The following SPATS2L variants were observed in gnomAD, a reference collection of about 807,000 sequenced individuals.
SPATS2L encodes spermatogenesis associated serine rich 2 like.
A neutral mutation model predicts 59.6 loss-of-function variants in SPATS2L; 30 were observed. The observed-to-expected ratio is 0.50, with a 90% CI of 0.38 to 0.68. SPATS2L has a LOEUF of 0.68. Among genes scored for constraint, SPATS2L ranks in the 30% least tolerant of loss-of-function variants. SPATS2L has a pLI of 0.00. For missense variants in SPATS2L, 615 were observed against 700.0 expected (o/e 0.88, Z 1.37); for synonymous variants, 252 against 263.5 (o/e 0.96, Z 0.42).
upstream of SPATS2L, chr2:200,306,612 C>T: frequency 4.0e-6 from 4 of 995,736 alleles, no homozygotes; most frequent in Non-Finnish European, 4.8e-6. Flanking sequence ...GTGAGTGACA[C>T]CGAGGGGAAG....
At chr2:200,360,557 G>T (rs1050244196) in intron 2 of SPATS2L, among the ~76,000 whole-genome samples, 1 of 152,160 alleles carries the variant, frequency 6.6e-6, no homozygotes, top group African/African-American at 2.4e-5. Context: ...GGATCCTATC[G>T]GAGTGGGGAG....
chr2:200,479,622 C>A lies in SPATS2L; in HGVS notation c.*1591C>A, dbSNP rs1351073250. ...GCCCCAGTTCCCCTAACTTTGACTA[C>A]AGGGCAGTCCAGTTTGGGTGCCGCT... On this transcript the variant is annotated 3_prime_UTR_variant, in exon 13 of 13. Coordinates refer to ENST00000409140, the MANE Select transcript of SPATS2L (RefSeq NM_001100423.2). The A allele has an allele frequency of 5.0e-6, 2 of 398,532 alleles. No individual in the cohort carries two copies. The highest frequency in any genetic ancestry group is 8.8e-6 in the Non-Finnish European group (2 of 226,074). The allele number at this position is 398,532 out of a possible 1,614,324, so 24.7% of individuals were successfully genotyped here.
rs1373773363 is a variant in SPATS2L at position 200,419,256 on chromosome 2, A to G, written c.205A>G (p.Lys69Glu). ...CATTTGTTTCTCATTCTAGAACAATAAAAGAAAAAGAAGCAAGTCCAAGCA... is the reference window on the plus strand; with the variant it reads ...CATTTGTTTCTCATTCTAGAACAATGAAAGAAAAAGAAGCAAGTCCAAGCA... ...WNMTGKKKNNKRKRSKSKQHQ... is the reference protein window; with the variant it reads ...WNMTGKKKNNERKRSKSKQHQ... Residue 69 changes from lysine (K) to glutamate (E), a missense_variant, in exon 6 of 13, where the codon AAA becomes GAA. Lys to Glu is a moderately conservative substitution (Grantham distance 56, BLOSUM62 1). Transcript: ENST00000409140. 2 of 1,569,520 alleles carry G rather than the reference A, an allele frequency of 1.3e-6. No homozygotes were observed. Among genetic ancestry groups the G allele is most frequent in the Non-Finnish European group, 1.7e-6 (2 of 1,156,856 alleles).
At chr2:200,307,282 G>C (rs1411345406) in intron 1 of SPATS2L, among the ~76,000 whole-genome samples, 2 of 151,550 alleles carry the variant, frequency 1.3e-5, no homozygotes, top group Non-Finnish European at 2.9e-5. Context: ...GCCGTCCCTC[G>C]CCTGCCGTCC....
At chr2:200,453,670 C>G (rs1249453800) in intron 8 of SPATS2L, among the ~76,000 whole-genome samples, 1 of 152,212 alleles carries the variant, frequency 6.6e-6, no homozygotes, top group East Asian at 1.9e-4. Context: ...GTGGGCACTA[C>G]TAGGCTATCA....
intron 1 of SPATS2L, among the ~76,000 whole-genome samples, chr2:200,316,638 ACTGGGTTCCAC>A (rs1185160080): frequency 1.3e-5 from 2 of 152,146 alleles, no homozygotes; most frequent in African/African-American, 4.8e-5. Context: ...TCACTTTTGT[ACTGGGTTCCAC>A]CTTGTCTCCT....
chr2:200,462,940 C>CAATAAT (rs59711465), intron 9 of SPATS2L, among the ~76,000 whole-genome samples: 2 of 150,676 alleles, frequency 1.3e-5, no homozygotes, highest in Admixed American at 6.6e-5. Context: ...ATAATAATAA[C>CAATAAT]AATAATAATA....
At chr2:200,443,136 G>A (rs1243869797) in intron 8 of SPATS2L, among the ~76,000 whole-genome samples, 1 of 152,158 alleles carries the variant, frequency 6.6e-6, no homozygotes, top group African/African-American at 2.4e-5. Context: ...AACTATGCAT[G>A]CCTGCCAAAC....
At chr2:200,422,401 G>C (rs1247433166) in intron 6 of SPATS2L, among the ~76,000 whole-genome samples, 1 of 152,060 alleles carries the variant, frequency 6.6e-6, no homozygotes, top group Admixed American at 6.6e-5. Context: ...GCTGGGCCTG[G>C]TGGTGCATGC....
In SPATS2L at chr2:200,481,467, C is replaced by G. The variant is rs1271469618; in HGVS notation, c.*3436C>G. On this transcript the variant is annotated 3_prime_UTR_variant, in exon 13 of 13. Transcript: ENST00000409140. ...TCCTAAATCGATTCGGTGCTCCCCA[C>G]CCCGACGCAGGCACAGGTCCGCAAC... 1 of 152,172 alleles carries G rather than the reference C, an allele frequency of 6.6e-6. No individual in the cohort carries two copies. The highest frequency in any genetic ancestry group is 1.5e-5 in the Non-Finnish European group (1 of 68,044). The allele number at this position is 152,172 out of a possible 1,614,324, so 9.4% of individuals were successfully genotyped here. A position where few individuals can be genotyped will look rare whatever the true frequency, so the allele number is the denominator to read the frequency against.
chr2:200,354,970 A>G (rs2105853503), intron 2 of SPATS2L, among the ~76,000 whole-genome samples: 1 of 152,240 alleles, frequency 6.6e-6, no homozygotes, highest in East Asian at 1.9e-4. Context: ...GGAAATGTCA[A>G]CCGTGAATGA....
intron 6 of SPATS2L, 62 bp from the exon 7 acceptor site, chr2:200,439,060 C>A: frequency 1.4e-6 from 2 of 1,421,474 alleles, no homozygotes; most frequent in Non-Finnish European, 2.0e-6. Flanking sequence ...CATCCTCCAT[C>A]ACTTTATCGT....
At chr2:200,348,316 T>C (rs898117725) in intron 2 of SPATS2L, among the ~76,000 whole-genome samples, 37 of 152,342 alleles carry the variant, frequency 2.4e-4, no homozygotes, top group African/African-American at 8.4e-4. Context: ...TGCAGATGCA[T>C]GTTGAGACAT....
In SPATS2L at chr2:200,457,152, C is replaced by T. The variant is rs371748701; in HGVS notation, c.789-2617C>T. On this transcript the variant is annotated intron_variant, in intron 8 of 12. Coordinates refer to ENST00000409140, the MANE Select transcript of SPATS2L (RefSeq NM_001100423.2). Reference sequence around the variant, plus strand: ...TATCTCCCCAACAGCTTGTCTCGAACAGTCTTTGTTTCCCTAAAGTAAGGT... The same window carrying T: ...TATCTCCCCAACAGCTTGTCTCGAATAGTCTTTGTTTCCCTAAAGTAAGGT... 5.3e-5 allele frequency among the ~76,000 whole-genome samples: 8 copies of T among 152,202 alleles called. No individual in the cohort carries two copies. In the East Asian group the frequency reaches 1.4e-3, roughly 26 times the overall value.
chr2:200,308,802 G>T (rs765483534), intron 1 of SPATS2L: 1 of 428,586 alleles, frequency 2.3e-6, no homozygotes, highest in Non-Finnish European at 4.1e-6. Context: ...AATATTAAAT[G>T]ATTTTCTAAG....
At position 200,465,860 on chromosome 2, in the gene SPATS2L, G is replaced by A. The variant is rs145700208; in HGVS notation, c.848-1430G>A. Among the ~76,000 whole-genome samples, 448 of 152,214 alleles carry A rather than the reference G, an allele frequency of 2.9e-3. 1 individual carries two copies. The highest frequency in any genetic ancestry group is 9.9e-3 in the African/African-American group (410 of 41,524). ...ACCATGGCTAACATGGTGAAACCCCGTCTCTACTAAGTATACAAAAAATTA... is the reference window on the plus strand; with the variant it reads ...ACCATGGCTAACATGGTGAAACCCCATCTCTACTAAGTATACAAAAAATTA... On this transcript the variant is annotated intron_variant, in intron 9 of 12. Transcript: ENST00000409140.
Position 200,334,449 on chromosome 2 carries a change from T to A in SPATS2L, c.-23+4969T>A, listed in dbSNP as rs1284383302. 2.0e-5 allele frequency among the ~76,000 whole-genome samples: 3 copies of A among 151,846 alleles called. No individual in the cohort carries two copies. The East Asian group carries it at 5.8e-4, about 29-fold the overall frequency. ...AGTAGGTTGCGAAAATTTTCTCCCA[T>A]TCTGTAGGTTGCCTGTTCACTCTGA... is the stretch of plus-strand genomic sequence containing the variant. On this transcript the variant is annotated intron_variant, in intron 2 of 12. Coordinates refer to ENST00000409140, the MANE Select transcript of SPATS2L (RefSeq NM_001100423.2).
At chr2:200,461,706 T>C (rs1273108206) in intron 9 of SPATS2L, among the ~76,000 whole-genome samples, 1 of 152,218 alleles carries the variant, frequency 6.6e-6, no homozygotes, top group African/African-American at 2.4e-5. Flanking sequence ...CCCTTTACCT[T>C]TGATGTGATG....
intron 3 of SPATS2L, among the ~76,000 whole-genome samples, chr2:200,404,885 C>G (rs1020086432): frequency 6.6e-6 from 1 of 152,098 alleles, no homozygotes; most frequent in Admixed American, 6.6e-5. Context: ...GCTGGCCAAG[C>G]CTTTCTCTCA....
Sources: allele counts gnomAD v4.1 joint callset (sites outside exome capture counted in the v4.1 genomes callset), GRCh38; gene constraint gnomAD v4.1.1; transcripts MANE v1.5; gene names NCBI Gene and HGNC (gene_info 2026-07-23, HGNC 2026-07-21).